FKBP5: variants seen among roughly 807,000 people sequenced by gnomAD.
FKBP5 encodes peptidyl-prolyl cis-trans isomerase FKBP5.
In FKBP5, 23 loss-of-function variants were observed where a neutral mutation model predicts 50.5. The observed-to-expected ratio is 0.46, with a 90% confidence interval of 0.33 to 0.65. The LOEUF (loss-of-function observed/expected upper bound fraction) is 0.65. Among genes scored for constraint, FKBP5 ranks in the 30% least tolerant of loss-of-function variants. The pLI, the probability that FKBP5 is intolerant of heterozygous loss-of-function variation, is 0.02. For missense variants in FKBP5, 411 were observed against 553.1 expected (o/e 0.74, Z 2.58); for synonymous variants, 176 against 190.6 (o/e 0.92, Z 0.63).
At chr6:35,711,876 G>A (rs1766420297) in intron 2 of FKBP5, among the ~76,000 whole-genome samples, 1 of 151,776 alleles carries the variant, frequency 6.6e-6, no homozygotes, top group Admixed American at 6.6e-5. Flanking sequence ...ACTTCTGTCT[G>A]TTTTTTTGTT....
At chr6:35,615,845 C>CCA (rs1386158502) in intron 5 of FKBP5, among the ~76,000 whole-genome samples, 1 of 152,098 alleles carries the variant, frequency 6.6e-6, no homozygotes, top group East Asian at 1.9e-4. Context: ...CCACCTTAAC[C>CCA]CAGTGTTCGA....
In FKBP5 at chr6:35,599,113, ACTTT is replaced by A. The variant is rs891123373; in HGVS notation, c.509-1713_509-1710del. Among the ~76,000 whole-genome samples the A allele has an allele frequency of 2.8e-3, 431 of 152,166 alleles. 4 individuals are homozygous for A. The highest frequency in any genetic ancestry group is 0.017 in the Middle Eastern group (5 of 294). ...TTTCTAACACTGGCTGATCTACTTT[ACTTT>A]AGATCAACAACTTGTAGAGAGACTA... On this transcript the variant is annotated intron_variant, in intron 5 of 10. Coordinates refer to ENST00000357266, the MANE Select transcript of FKBP5 (RefSeq NM_004117.4).
In FKBP5 at chr6:35,641,475, C is replaced by T. The variant is rs566902107; in HGVS notation, c.105+1245G>A. ...CACAAACACATAATACACTGTACTA[C>T]CCATGCTACAACAGCTATGGCACCA... On this transcript the variant is annotated intron_variant, in intron 2 of 10. Transcript: ENST00000357266. Among the ~76,000 whole-genome samples, 10 of 152,268 alleles carry T rather than the reference C, an allele frequency of 6.6e-5. No homozygotes were observed. In the East Asian group the frequency reaches 1.7e-3, roughly 26 times the overall value.
At chr6:35,581,061 A>G (rs1479616268) in intron 8 of FKBP5, 6 of 965,408 alleles carry the variant, frequency 6.2e-6, no homozygotes, top group Non-Finnish European at 7.4e-6. Context: ...ATGTAAATCA[A>G]TGGGTGCAGC....
intron 5 of FKBP5, among the ~76,000 whole-genome samples, chr6:35,610,034 A>G (rs1763441204): frequency 6.6e-6 from 1 of 152,188 alleles, no homozygotes; most frequent in East Asian, 1.9e-4. Flanking sequence ...TCAAATGACT[A>G]TAGTTAGCTG....
In FKBP5 at chr6:35,580,127, G is replaced by A; in HGVS notation, c.935C>T (p.Ser312Phe). The A allele has an allele frequency of 6.2e-7, 1 of 1,614,106 alleles. No homozygotes were observed. Among genetic ancestry groups the A allele is most frequent in the Non-Finnish European group, 8.5e-7 (1 of 1,179,938 alleles). The change falls in exon 9 of 11, where the codon TCT becomes TTT. Residue 312 changes from serine to phenylalanine, a missense_variant. Physicochemically the swap from Ser to Phe is radical, Grantham distance 155 (BLOSUM62 -2). Transcript: ENST00000357266. ...YGLSEKESKA[S>F]ESFLLAAFLN... ...AAAGGCAGCAAGGAGAAATGATTCA[G>A]AAGCTTTCGATTCCTTTTCTGATAA...
rs182779516 is a variant in FKBP5, at chr6:35,649,656, T to C, written c.-19-6813A>G. 5.3e-5 allele frequency among the ~76,000 whole-genome samples: 8 copies of C among 152,266 alleles called. No homozygotes were observed. The South Asian group carries it at 1.4e-3, about 28-fold the overall frequency. On this transcript the variant is annotated intron_variant, in intron 1 of 10. Transcript: ENST00000357266. ...TCACAGGTGAGAAGTTTGATACTTATACTAGGGTTATAAAGGCGAAACATG... is the reference window on the plus strand; with the variant it reads ...TCACAGGTGAGAAGTTTGATACTTACACTAGGGTTATAAAGGCGAAACATG...
intron 1 of FKBP5, among the ~76,000 whole-genome samples, chr6:35,684,064 A>G (rs1487826241): frequency 6.6e-6 from 1 of 152,158 alleles, no homozygotes; most frequent in East Asian, 1.9e-4. Flanking sequence ...AAAAAATAAT[A>G]ATAATAAAAT....
At chr6:35,586,159 A>G in intron 8 of FKBP5, 1 of 984,884 alleles carries the variant, frequency 1.0e-6, no homozygotes, top group African/African-American at 1.7e-5. Context: ...GAAGGCATAT[A>G]TTTGGGGTGG....
intron 4 of FKBP5, 44 bp downstream of exon 4, chr6:35,620,088 T>C: frequency 6.2e-7 from 1 of 1,612,932 alleles, no homozygotes; most frequent in Non-Finnish European, 8.5e-7. Flanking sequence ...GCCATTCCTA[T>C]TGTAGAGCAG....
intron 3 of FKBP5, among the ~76,000 whole-genome samples, chr6:35,635,186 T>C (rs1451554232): frequency 1.3e-5 from 2 of 150,872 alleles, no homozygotes; most frequent in Non-Finnish European, 3.0e-5. Context: ...AACACAAAAA[T>C]TAGCCAGGCG....
chr6:35,631,053 A>ACC (rs1322564530), intron 3 of FKBP5, among the ~76,000 whole-genome samples: 1 of 152,178 alleles, frequency 6.6e-6, no homozygotes, highest in East Asian at 1.9e-4. Context: ...AAGAAGAGAG[A>ACC]CCCTCAATCA....
intron 1 of FKBP5, among the ~76,000 whole-genome samples, chr6:35,652,547 G>A (rs1764835148): frequency 6.6e-6 from 1 of 152,158 alleles, no homozygotes; most frequent in African/African-American, 2.4e-5. Flanking sequence ...ATAAACTCCA[G>A]TCTCCCATAG....
chr6:35,591,287 T>C (rs1762813149), intron 6 of FKBP5, 67 bp from the exon 7 acceptor site: 3 of 1,073,016 alleles, frequency 2.8e-6, no homozygotes, highest in East Asian at 2.4e-5. Context: ...TCCTTCAGTA[T>C]TTTGAGGCAT....
At chr6:35,672,888 C>T (rs1581871790) in intron 1 of FKBP5, among the ~76,000 whole-genome samples, 2 of 151,572 alleles carry the variant, frequency 1.3e-5, no homozygotes, top group Non-Finnish European at 2.9e-5. Flanking sequence ...CGAGATCGCG[C>T]CACTGCACTC....
At chr6:35,591,089 A>C (rs1762806819) in intron 7 of FKBP5, 41 bp downstream of exon 7, 1 of 1,328,316 alleles carries the variant, frequency 7.5e-7, no homozygotes, top group Non-Finnish European at 1.1e-6. Flanking sequence ...TGGATGGAGA[A>C]GAAACCTACC....
chr6:35,584,614 G>A lies in FKBP5; in HGVS notation c.840+2420C>T, dbSNP rs925396439. ...ACCATTTTGAAGTTTTACAGCTAAC[G>A]CTAGGACTACTGCTGGGATCTTTTA... On this transcript the variant is annotated intron_variant, in intron 8 of 10. Transcript: ENST00000357266. The A allele has an allele frequency of 2.9e-5, 29 of 985,328 alleles. 1 individual carries two copies. Among genetic ancestry groups the A allele is most frequent in the Non-Finnish European group, 6.0e-6 (5 of 829,946 alleles). The allele number at this position is 985,328 out of a possible 1,614,324, so 61.0% of individuals were successfully genotyped here. A position where few individuals can be genotyped will look rare whatever the true frequency, so the allele number is the denominator to read the frequency against.
At chr6:35,650,202 C>T (rs564922291) in intron 1 of FKBP5, among the ~76,000 whole-genome samples, 21 of 151,296 alleles carry the variant, frequency 1.4e-4, no homozygotes, top group East Asian at 5.9e-4. Context: ...AAAAAATACA[C>T]GCCTGTGGTC....
intron 5 of FKBP5, among the ~76,000 whole-genome samples, chr6:35,599,736 T>A (rs1763087601): frequency 6.6e-6 from 1 of 152,200 alleles, no homozygotes; most frequent in Admixed American, 6.5e-5. Context: ...TTAGTTTATG[T>A]CCCACACTCA....
Sources: gnomAD v4.1 joint callset for allele counts (sites outside exome capture counted in the v4.1 genomes callset) on GRCh38, gnomAD v4.1.1 for gene constraint, MANE v1.5 for transcripts, NCBI Gene and HGNC (gene_info 2026-07-23, HGNC 2026-07-21) for gene names.